The following RIMS2 variants were observed in gnomAD, a reference collection of about 807,000 sequenced individuals.
RIMS2 encodes regulating synaptic membrane exocytosis 2.
In RIMS2, 59 loss-of-function variants were observed where a neutral mutation model predicts 174.4. The ratio of observed to expected loss-of-function variants is 0.34; its 90% confidence interval spans 0.27 to 0.42. The LOEUF is 0.42. RIMS2 is among the 10% of genes least tolerant of loss of function. The pLI, the probability that RIMS2 is intolerant of heterozygous loss-of-function variation, is 1.00. For missense variants in RIMS2, 1,620 were observed against 1,666.3 expected, an observed-to-expected ratio of 0.97 and a Z score of 0.48; for synonymous variants, 606 against 572.5, an observed-to-expected ratio of 1.06 and a Z score of -0.84.
At chr8:104,185,770 CACTGTTG>C in intron 19 of RIMS2, among the ~76,000 whole-genome samples, 1 of 151,654 alleles carries the variant, frequency 6.6e-6, no homozygotes, top group East Asian at 1.9e-4. Flanking sequence ...AACCCTTATA[CACTGTTG>C]ATAGGAATGT....
chr8:104,195,784 A>T (rs990835399), intron 19 of RIMS2, among the ~76,000 whole-genome samples: 1 of 152,156 alleles, frequency 6.6e-6, no homozygotes, highest in Non-Finnish European at 1.5e-5. Flanking sequence ...AAGTACTGGG[A>T]TTACAGGCAT....
At chr8:103,603,061 T>C (rs1486301698) in intron 1 of RIMS2, among the ~76,000 whole-genome samples, 1 of 151,872 alleles carries the variant, frequency 6.6e-6, no homozygotes, top group Non-Finnish European at 1.5e-5. Flanking sequence ...GTTAGTTACA[T>C]ATGTATACAT....
intron 1 of RIMS2, among the ~76,000 whole-genome samples, chr8:103,673,402 A>C (rs1050502489): frequency 6.6e-6 from 1 of 152,178 alleles, no homozygotes; most frequent in African/African-American, 2.4e-5. Context: ...CTCCACTCTT[A>C]GGAGGCTTCC....
At chr8:103,605,969 T>G (rs1343430496) in intron 1 of RIMS2, among the ~76,000 whole-genome samples, 4 of 146,632 alleles carry the variant, frequency 2.7e-5, no homozygotes, top group African/African-American at 1.0e-4. Context: ...ATTAATTAAT[T>G]TTTTGAAGGG....
chr8:103,564,530 T>C (rs1479359878), intron 1 of RIMS2, among the ~76,000 whole-genome samples: 1 of 152,160 alleles, frequency 6.6e-6, no homozygotes, highest in Non-Finnish European at 1.5e-5. Flanking sequence ...AGTGCAGCCT[T>C]CAGTCTGTGG....
chr8:103,566,399 T>C (rs961380808), intron 1 of RIMS2, among the ~76,000 whole-genome samples: 5 of 152,162 alleles, frequency 3.3e-5, no homozygotes, highest in African/African-American at 1.2e-4. Flanking sequence ...ATGTTCAAAG[T>C]TGTCATTTTC....
chr8:103,835,971 A>G (rs927385783), intron 3 of RIMS2, among the ~76,000 whole-genome samples: 2 of 152,242 alleles, frequency 1.3e-5, no homozygotes, highest in African/African-American at 2.4e-5. Flanking sequence ...CAAGATTGGT[A>G]TGACTGATCT....
At position 103,612,726 on chromosome 8, in the gene RIMS2, G is replaced by A. The variant is rs987647134; in HGVS notation, c.177-84360G>A. 4.6e-5 allele frequency among the ~76,000 whole-genome samples: 7 copies of A among 152,180 alleles called. No individual in the cohort carries two copies. The South Asian group carries it at 6.2e-4, about 14-fold the overall frequency. ...CTCAAGTGGCTGGGATTACAGGTGC[G>A]TGCCACCATGCCTGGCTGATTTTTT... On this transcript the variant is annotated intron_variant, in intron 1 of 23. Transcript: ENST00000504942.
At chr8:103,674,968 T>C (rs918240450) in intron 1 of RIMS2, among the ~76,000 whole-genome samples, 4 of 152,216 alleles carry the variant, frequency 2.6e-5, no homozygotes, top group Non-Finnish European at 5.9e-5. Context: ...ATTTGTTACT[T>C]AATTTAATAT....
intron 4 of RIMS2, among the ~76,000 whole-genome samples, chr8:103,886,909 C>A (rs921882874): frequency 1.1e-4 from 16 of 151,470 alleles, no homozygotes; most frequent in African/African-American, 3.9e-4. Context: ...CTTCCATTTG[C>A]CAATGTAAAA....
At position 103,845,973 on chromosome 8, in the gene RIMS2, A is replaced by G. The variant is rs1225274471; in HGVS notation, c.699-39325A>G. 4.6e-5 allele frequency among the ~76,000 whole-genome samples: 7 copies of G among 152,148 alleles called. No individual in the cohort carries two copies. The South Asian group carries it at 8.3e-4, about 18-fold the overall frequency. ...GTAATACTTACTGGTGACCTTAACT[A>G]CAAGGAAAACTTGTTTTCAAACAAA... On this transcript the variant is annotated intron_variant, in intron 3 of 23. Transcript: ENST00000504942.
intron 19 of RIMS2, among the ~76,000 whole-genome samples, chr8:104,106,635 G>A (rs190419381): frequency 9.1e-4 from 139 of 152,184 alleles, no homozygotes; most frequent in African/African-American, 3.3e-3. Flanking sequence ...TATGAAAGTA[G>A]AGAAATCATG....
chr8:103,548,008 A>G (rs1289367055), intron 1 of RIMS2, among the ~76,000 whole-genome samples: 1 of 152,146 alleles, frequency 6.6e-6, no homozygotes, highest in African/African-American at 2.4e-5. Flanking sequence ...CTGAAATTTA[A>G]TTAGTAATAA....
chr8:103,591,348 C>A (rs1204287627), intron 1 of RIMS2, among the ~76,000 whole-genome samples: 1 of 150,862 alleles, frequency 6.6e-6, no homozygotes, highest in Non-Finnish European at 1.5e-5. Flanking sequence ...AATATTTTCT[C>A]CCAGTGTATG....
intron 1 of RIMS2, among the ~76,000 whole-genome samples, chr8:103,644,690 A>T (rs898003351): frequency 6.6e-6 from 1 of 150,896 alleles, no homozygotes; most frequent in African/African-American, 2.4e-5. Context: ...TATTTAAAAC[A>T]TAAATATAAA....
intron 19 of RIMS2, among the ~76,000 whole-genome samples, chr8:104,101,073 A>T (rs1455167646): frequency 3.5e-5 from 5 of 142,930 alleles, no homozygotes; most frequent in African/African-American, 1.3e-4. Flanking sequence ...TATGTTATAT[A>T]TTATATTATA....
chr8:103,853,098 T>C (rs905430797), intron 3 of RIMS2, among the ~76,000 whole-genome samples: 1 of 152,070 alleles, frequency 6.6e-6, no homozygotes, highest in African/African-American at 2.4e-5. Context: ...TTTTTTACTT[T>C]TTAATAATAA....
intron 4 of RIMS2, among the ~76,000 whole-genome samples, chr8:103,900,291 T>C (rs1390941138): frequency 6.6e-6 from 1 of 151,644 alleles, no homozygotes; most frequent in East Asian, 1.9e-4. Context: ...TGGTGTGATC[T>C]CAGCTCACTA....
intron 19 of RIMS2, among the ~76,000 whole-genome samples, chr8:104,069,678 C>G (rs1193809027): frequency 6.6e-6 from 1 of 151,824 alleles, no homozygotes; most frequent in Non-Finnish European, 1.5e-5. Flanking sequence ...TATTGTTGGC[C>G]AGGCTGGTCT....
Sources: gnomAD v4.1 joint callset for allele counts (sites outside exome capture counted in the v4.1 genomes callset) on GRCh38, gnomAD v4.1.1 for gene constraint, MANE v1.5 for transcripts, NCBI Gene and HGNC (gene_info 2026-07-23, HGNC 2026-07-21) for gene names.